The following DCC variants were observed in gnomAD, a reference collection of about 807,000 sequenced individuals.
DCC encodes the protein DCC netrin 1 receptor, also known as netrin receptor DCC.
A neutral mutation model predicts 172.5 loss-of-function variants in DCC; 58 were observed. The ratio of observed to expected loss-of-function variants is 0.34; its 90% CI spans 0.27 to 0.42. The LOEUF is 0.42. Ranked by LOEUF, DCC falls within the 10% of genes least tolerant of loss-of-function variation. The pLI is 1.00. For synonymous variants in DCC, 709 were observed against 644.5 expected, an observed-to-expected ratio of 1.10 and a Z score of -1.52; for missense variants, 1,740 against 1,791.0, an observed-to-expected ratio of 0.97 and a Z score of 0.51.
intron 1 of DCC, among the ~76,000 whole-genome samples, chr18:52,717,969 G>A (rs73455769): frequency 0.044 from 6,680 of 152,078 alleles, 472 homozygotes; most frequent in African/African-American, 0.15. Flanking sequence ...AAAACCAAAC[G>A]CCTGAAACCA....
chr18:52,520,920 A>C (rs1243527013), intron 1 of DCC, among the ~76,000 whole-genome samples: 2 of 152,166 alleles, frequency 1.3e-5, no homozygotes, highest in African/African-American at 2.4e-5. Context: ...ACTTACAAAC[A>C]GTTTTGGAAA....
intron 12 of DCC, among the ~76,000 whole-genome samples, chr18:53,241,464 A>G (rs1390909513): frequency 6.6e-6 from 1 of 152,092 alleles, no homozygotes; most frequent in Admixed American, 6.6e-5. Flanking sequence ...CTCCCTGATG[A>G]GGGAGCTCTG....
intron 2 of DCC, among the ~76,000 whole-genome samples, chr18:52,822,307 G>C (rs1446281945): frequency 1.3e-5 from 2 of 152,194 alleles, no homozygotes; most frequent in Non-Finnish European, 2.9e-5. Flanking sequence ...GTGCCAACAA[G>C]GAGTGAAATG....
At chr18:53,450,295 T>C (rs1182176288) in intron 22 of DCC, among the ~76,000 whole-genome samples, 1 of 152,022 alleles carries the variant, frequency 6.6e-6, no homozygotes, top group African/African-American at 2.4e-5. Context: ...CTCTATAAGG[T>C]TTTTTGTGCA....
At chr18:53,231,630 G>C (rs1029269798) in intron 12 of DCC, among the ~76,000 whole-genome samples, 1 of 152,002 alleles carries the variant, frequency 6.6e-6, no homozygotes, top group African/African-American at 2.4e-5. Context: ...TTTTACATTT[G>C]ATGACTCATT....
At chr18:53,085,397 G>A (rs2042863444) in intron 7 of DCC, among the ~76,000 whole-genome samples, 1 of 151,962 alleles carries the variant, frequency 6.6e-6, no homozygotes, top group South Asian at 2.1e-4. Flanking sequence ...CCTTAGCACA[G>A]AGAAATGTCA....
intron 7 of DCC, among the ~76,000 whole-genome samples, chr18:53,091,630 T>G (rs772539492): frequency 1.3e-5 from 2 of 151,452 alleles, no homozygotes. Flanking sequence ...GAGAGAGAGA[T>G]AATTCCCTGG....
chr18:52,963,652 CA>C (rs991901741), intron 5 of DCC, among the ~76,000 whole-genome samples: 12 of 152,010 alleles, frequency 7.9e-5, no homozygotes, highest in African/African-American at 2.9e-4. Context: ...TATGGAAATG[CA>C]CAGGGAAAAA....
At chr18:52,717,385 G>A (rs951115718) in intron 1 of DCC, among the ~76,000 whole-genome samples, 2 of 150,990 alleles carry the variant, frequency 1.3e-5, no homozygotes, top group African/African-American at 4.9e-5. Flanking sequence ...CTTGAGGCTC[G>A]GGCCACTCCT....
intron 2 of DCC, among the ~76,000 whole-genome samples, chr18:52,848,265 T>G (rs1426412291): frequency 6.6e-6 from 1 of 151,952 alleles, no homozygotes; most frequent in Non-Finnish European, 1.5e-5. Flanking sequence ...ATATATATAT[T>G]TGGTAAAGAT....
intron 2 of DCC, among the ~76,000 whole-genome samples, chr18:52,894,717 C>T (rs962012212): frequency 4.0e-5 from 6 of 151,866 alleles, no homozygotes; most frequent in Non-Finnish European, 8.8e-5. Flanking sequence ...GTTCAAGTCT[C>T]AGTTCAAAGG....
rs117254507 is a variant in DCC, at chr18:53,160,353, C to A, written c.1418+2841C>A. 5.7e-3 allele frequency among the ~76,000 whole-genome samples: 867 copies of A among 152,264 alleles called. 6 individuals are homozygous for A. Among genetic ancestry groups the A allele is most frequent in the Admixed American group, 0.023 (353 of 15,280 alleles). On this transcript the variant is annotated intron_variant, in intron 8 of 28. Transcript: ENST00000442544. ...TCTGAACACAACGAAACTTTGATTT[C>A]ATAGAGATCTGCAATCTGTTGATCC... is the stretch of plus-strand genomic sequence containing the variant.
chr18:52,907,701 C>A (rs538992980), intron 3 of DCC, among the ~76,000 whole-genome samples: 2 of 152,236 alleles, frequency 1.3e-5, no homozygotes, highest in South Asian at 4.2e-4. Flanking sequence ...GGATTACAGG[C>A]GTGAGCCACT....
chr18:52,583,533 C>G (rs561956910), intron 1 of DCC, among the ~76,000 whole-genome samples: 6 of 152,202 alleles, frequency 3.9e-5, no homozygotes, highest in Non-Finnish European at 7.4e-5. Context: ...TTATATCCAT[C>G]CTTTTCAAAT....
chr18:53,338,763 AG>A (rs2057619920), intron 14 of DCC, among the ~76,000 whole-genome samples: 1 of 152,262 alleles, frequency 6.6e-6, no homozygotes, highest in Non-Finnish European at 1.5e-5. Flanking sequence ...AATATATGTC[AG>A]GGTGGCATGC....
intron 22 of DCC, 149 bp downstream of exon 22, chr18:53,435,358 A>G: frequency 1.7e-6 from 1 of 575,330 alleles, no homozygotes. Context: ...GAAGTTATTA[A>G]AAAACAAAAA....
intron 12 of DCC, among the ~76,000 whole-genome samples, chr18:53,269,559 C>T (rs570482895): frequency 3.5e-4 from 53 of 152,228 alleles, no homozygotes; most frequent in South Asian, 8.3e-4. Flanking sequence ...GAATAATAGT[C>T]GTAATATTAA....
intron 1 of DCC, among the ~76,000 whole-genome samples, chr18:52,727,198 A>T (rs900261541): frequency 6.6e-6 from 1 of 152,206 alleles, no homozygotes; most frequent in African/African-American, 2.4e-5. Context: ...ACTTTTCCCT[A>T]CCTTGAAAAC....
At chr18:52,929,862 A>ACACACACACACACACACT (rs1491076661) in intron 5 of DCC, among the ~76,000 whole-genome samples, 1 of 129,316 alleles carries the variant, frequency 7.7e-6, no homozygotes, top group African/African-American at 2.8e-5. Flanking sequence ...ACACACACAC[A>ACACACACACACACACACT]CTCACGTTTG....
Sources: gnomAD v4.1 joint callset for allele counts (sites outside exome capture counted in the v4.1 genomes callset) on GRCh38, gnomAD v4.1.1 for gene constraint, MANE v1.5 for transcripts, NCBI Gene and HGNC (gene_info 2026-07-23, HGNC 2026-07-21) for gene names.